LINGO2: variants seen among roughly 807,000 people sequenced by gnomAD.
LINGO2 encodes leucine-rich repeat and immunoglobulin-like domain-containing nogo receptor-interacting protein 2.
In LINGO2, 14 loss-of-function variants were observed where a neutral mutation model predicts 30.6. The ratio of observed to expected loss-of-function variants is 0.46; its 90% confidence interval spans 0.30 to 0.72. LINGO2 has a LOEUF of 0.72. Ranked by LOEUF, LINGO2 falls within the 30% of genes least tolerant of loss-of-function variation. LINGO2 has a pLI of 0.07. For synonymous variants in LINGO2, 317 were observed against 288.5 expected (o/e 1.10, Z -1.00); for missense variants, 729 against 751.7 (o/e 0.97, Z 0.35).
the LINGO2 span, among the ~76,000 whole-genome samples, chr9:28,693,555 A>T: frequency 6.6e-6 from 1 of 152,264 alleles, no homozygotes; most frequent in South Asian, 2.1e-4. Flanking sequence ...AAAGGAAGAC[A>T]TCCTTAAGTC....
the LINGO2 span, among the ~76,000 whole-genome samples, chr9:28,802,935 A>T: frequency 6.6e-6 from 1 of 152,050 alleles, no homozygotes; most frequent in Non-Finnish European, 1.5e-5. Context: ...CCCGGGAGTC[A>T]ATGATTTCTT....
chr9:27,952,922 T>C (rs1247122979), intron 5 of LINGO2, among the ~76,000 whole-genome samples: 1 of 152,032 alleles, frequency 6.6e-6, no homozygotes, highest in Non-Finnish European at 1.5e-5. Flanking sequence ...AACAAACAAA[T>C]AACACACACA....
chr9:29,207,319 G>A, the LINGO2 span, among the ~76,000 whole-genome samples: 3 of 152,032 alleles, frequency 2.0e-5, no homozygotes, highest in East Asian at 1.9e-4. Flanking sequence ...CTCTCCTGGT[G>A]TACCTGGAGC....
At chr9:28,776,982 T>C in the LINGO2 span, among the ~76,000 whole-genome samples, 1 of 152,052 alleles carries the variant, frequency 6.6e-6, no homozygotes, top group Non-Finnish European at 1.5e-5. Context: ...GTTCTCATGA[T>C]AGTGAGTTCT....
At chr9:28,474,811 T>C (rs1442201804) in intron 2 of LINGO2, among the ~76,000 whole-genome samples, 1 of 152,150 alleles carries the variant, frequency 6.6e-6, no homozygotes, top group Non-Finnish European at 1.5e-5. Context: ...GGTGTCAATT[T>C]GCAAACAATA....
At chr9:28,015,287 A>G (rs999501222) in intron 4 of LINGO2, among the ~76,000 whole-genome samples, 4 of 152,144 alleles carry the variant, frequency 2.6e-5, no homozygotes, top group African/African-American at 9.7e-5. Context: ...TACATTACAA[A>G]TTTCTTGTAG....
the LINGO2 span, among the ~76,000 whole-genome samples, chr9:28,934,376 A>G: frequency 3.3e-5 from 5 of 152,204 alleles, no homozygotes; most frequent in African/African-American, 1.2e-4. Flanking sequence ...AATGTGAGTG[A>G]GCTAGGAGGG....
intron 4 of LINGO2, among the ~76,000 whole-genome samples, chr9:28,025,960 TCA>T (rs1486532148): frequency 6.6e-6 from 1 of 152,236 alleles, no homozygotes; most frequent in Non-Finnish European, 1.5e-5. Context: ...GCTTTCCATT[TCA>T]CAGAGGATGA....
chr9:28,822,867 T>C, the LINGO2 span, among the ~76,000 whole-genome samples: 3 of 152,150 alleles, frequency 2.0e-5, no homozygotes, highest in East Asian at 5.8e-4. Context: ...AAAATTAAAA[T>C]CCAGAGATGG....
chr9:29,000,332 CATTAAAA>C, the LINGO2 span, among the ~76,000 whole-genome samples: 4 of 151,830 alleles, frequency 2.6e-5, no homozygotes, highest in Non-Finnish European at 5.9e-5. Context: ...CTATGCACTG[CATTAAAA>C]ATTAATAGTA....
chr9:28,121,116 T>A (rs1827082999), intron 4 of LINGO2, among the ~76,000 whole-genome samples: 1 of 152,080 alleles, frequency 6.6e-6, no homozygotes, highest in Admixed American at 6.6e-5. Context: ...TCATAGACTG[T>A]AAATTTGTGG....
the LINGO2 span, among the ~76,000 whole-genome samples, chr9:28,855,776 C>G: frequency 3.9e-5 from 6 of 151,978 alleles, no homozygotes. Context: ...CTATCTGTCC[C>G]AAAAGCAATC....
the LINGO2 span, among the ~76,000 whole-genome samples, chr9:28,916,011 C>A: frequency 0.053 from 8,074 of 152,172 alleles, 263 homozygotes; most frequent in East Asian, 0.12. Flanking sequence ...CTCCTCTTGG[C>A]CAAGGGCTTT....
intron 4 of LINGO2, among the ~76,000 whole-genome samples, chr9:28,255,969 C>G (rs1365881253): frequency 6.6e-6 from 1 of 152,066 alleles, no homozygotes; most frequent in African/African-American, 2.4e-5. Context: ...TTAAGGCGGT[C>G]TGTGAATCTG....
intron 2 of LINGO2, among the ~76,000 whole-genome samples, chr9:28,417,878 A>T (rs1660431780): frequency 1.3e-5 from 2 of 152,170 alleles, no homozygotes; most frequent in South Asian, 4.1e-4. Flanking sequence ...ATATAGCAAA[A>T]GGTAGGTTCT....
At chr9:28,047,290 G>A (rs1824467918) in intron 4 of LINGO2, among the ~76,000 whole-genome samples, 1 of 152,102 alleles carries the variant, frequency 6.6e-6, no homozygotes, top group African/African-American at 2.4e-5. Context: ...TCCTTTTATG[G>A]AGGATGATTG....
intron 4 of LINGO2, among the ~76,000 whole-genome samples, chr9:28,030,154 AT>A: frequency 6.6e-6 from 1 of 152,306 alleles, no homozygotes; most frequent in East Asian, 1.9e-4. Flanking sequence ...ATAGGGAAGA[AT>A]CAAACACTGC....
At chr9:28,548,836 C>T (rs1041212416) in intron 1 of LINGO2, among the ~76,000 whole-genome samples, 1 of 151,278 alleles carries the variant, frequency 6.6e-6, no homozygotes, top group Admixed American at 6.6e-5. Flanking sequence ...GTTACCACTT[C>T]GTTTAACAAC....
intron 4 of LINGO2, among the ~76,000 whole-genome samples, chr9:28,118,934 C>A (rs1413609367): frequency 2.0e-5 from 3 of 151,978 alleles, no homozygotes; most frequent in African/African-American, 7.3e-5. Context: ...GAAGTTGATG[C>A]TACATATTTA....
Sources: gnomAD v4.1 joint callset for allele counts (sites outside exome capture counted in the v4.1 genomes callset) on GRCh38, gnomAD v4.1.1 for gene constraint, MANE v1.5 for transcripts, NCBI Gene and HGNC (gene_info 2026-07-23, HGNC 2026-07-21) for gene names.